SHANK2: variants seen among roughly 807,000 people sequenced by gnomAD.
The protein encoded by SHANK2 is SH3 and multiple ankyrin repeat domains protein 2.
SHANK2 carries 43 observed loss-of-function variants against 133.7 expected under a neutral mutation model. The observed-to-expected ratio is 0.32, with a 90% CI of 0.25 to 0.41. The LOEUF (loss-of-function observed/expected upper bound fraction) is 0.41, where lower values mean the gene tolerates loss of function less well. Among genes scored for constraint, SHANK2 ranks in the 10% least tolerant of loss-of-function variants. The pLI is 1.00. For synonymous variants in SHANK2, 1,017 were observed against 952.8 expected, an observed-to-expected ratio of 1.07 and a Z score of -1.24; for missense variants, 1,994 against 2,235.8, an observed-to-expected ratio of 0.89 and a Z score of 2.18.
chr11:71,084,439 C>T lies in SHANK2; in HGVS notation c.912+7983G>A, dbSNP rs1447579389. ...GCCTGAGACAATGATGGGAAAGCAGCGGCCTGGGGAACCCTGGAGTACACC... is the reference window on the plus strand; with the variant it reads ...GCCTGAGACAATGATGGGAAAGCAGTGGCCTGGGGAACCCTGGAGTACACC... On this transcript the variant is annotated intron_variant, in intron 8 of 25. Coordinates refer to ENST00000601538, the MANE Select transcript of SHANK2 (RefSeq NM_012309.5). Among the ~76,000 whole-genome samples, 7 of 152,156 alleles carry T rather than the reference C, an allele frequency of 4.6e-5. No homozygotes were observed. The South Asian group carries it at 8.3e-4, about 18-fold the overall frequency.
intron 11 of SHANK2, among the ~76,000 whole-genome samples, chr11:70,859,436 G>A (rs781786466): frequency 4.6e-5 from 7 of 152,018 alleles, no homozygotes; most frequent in South Asian, 2.1e-4. Context: ...ATGGATAAGC[G>A]TGTGGGTGGA....
intron 5 of SHANK2, among the ~76,000 whole-genome samples, chr11:71,112,855 C>T (rs1416095605): frequency 4.6e-5 from 7 of 152,188 alleles, no homozygotes; most frequent in East Asian, 1.9e-4. Context: ...CTCTGTGCAA[C>T]GCCCCTGCTG....
intron 14 of SHANK2, among the ~76,000 whole-genome samples, chr11:70,702,641 C>G (rs1555024049): frequency 6.6e-6 from 1 of 152,234 alleles, no homozygotes; most frequent in Admixed American, 6.5e-5. Flanking sequence ...ATCACTGCAG[C>G]AGAAGACACA....
chr11:70,656,771 C>A (rs189186147), intron 17 of SHANK2, among the ~76,000 whole-genome samples: 1 of 152,176 alleles, frequency 6.6e-6, no homozygotes. Flanking sequence ...ATGAGACTCC[C>A]GATCTGGAGA....
intron 17 of SHANK2, among the ~76,000 whole-genome samples, chr11:70,555,695 C>T (rs1339833954): frequency 2.0e-5 from 3 of 152,180 alleles, no homozygotes; most frequent in African/African-American, 7.2e-5. Flanking sequence ...CACTGCATTC[C>T]AGCCTGGGTG....
intron 14 of SHANK2, among the ~76,000 whole-genome samples, 198 bp downstream of exon 14, chr11:70,798,245 G>A (rs1213464210): frequency 6.6e-6 from 1 of 152,166 alleles, no homozygotes; most frequent in Admixed American, 6.5e-5. Flanking sequence ...ACACCATCTT[G>A]TAAGGAATTT....
At chr11:71,187,621 A>G (rs1049860898) in intron 2 of SHANK2, among the ~76,000 whole-genome samples, 10 of 151,776 alleles carry the variant, frequency 6.6e-5, no homozygotes, top group African/African-American at 1.9e-4. Context: ...TTGCCCAGGA[A>G]CCGTTCTTCA....
intron 5 of SHANK2, among the ~76,000 whole-genome samples, chr11:71,112,672 C>T (rs1321069964): frequency 7.9e-5 from 12 of 152,166 alleles, no homozygotes; most frequent in Non-Finnish European, 1.6e-4. Context: ...CAGATTCCTC[C>T]TCCTGTTGGT....
rs368507819 is a variant in SHANK2 at position 70,924,653 on chromosome 11, C to T, written c.1108-28086G>A. The stretch of plus-strand genomic sequence containing the variant: ...TGTATTTTTAGTAGAGACAGCGTTT[C>T]GCCATGTTGGCCAGGCTGGTCTCAA... On this transcript the variant is annotated intron_variant, in intron 10 of 25. Transcript: ENST00000601538. Among the ~76,000 whole-genome samples the T allele has an allele frequency of 3.5e-4, 54 of 152,158 alleles. 1 individual carries two copies. In the East Asian group the frequency reaches 5.2e-3, roughly 15 times the overall value.
At chr11:70,488,435 G>T (rs1025418812) in intron 24 of SHANK2, among the ~76,000 whole-genome samples, 4 of 152,186 alleles carry the variant, frequency 2.6e-5, no homozygotes, top group South Asian at 2.1e-4. Flanking sequence ...TTCTTCCAGG[G>T]TCATGTGAAT....
intron 2 of SHANK2, among the ~76,000 whole-genome samples, chr11:71,216,018 G>C (rs532140493): frequency 7.1e-6 from 1 of 141,272 alleles, no homozygotes; most frequent in Non-Finnish European, 1.5e-5. Flanking sequence ...CTCATCCGAC[G>C]CTGGAGAGGA....
intron 17 of SHANK2, among the ~76,000 whole-genome samples, chr11:70,627,261 C>G (rs768348819): frequency 6.6e-6 from 1 of 152,174 alleles, no homozygotes; most frequent in Non-Finnish European, 1.5e-5. Context: ...GCTGCAGGGA[C>G]GTGTGTCACT....
chr11:71,092,551 G>A lies in SHANK2; in HGVS notation c.783C>T (p.Asp261=). 1.3e-6 allele frequency: 2 copies of A among 1,551,982 alleles called. No individual in the cohort carries two copies. Among genetic ancestry groups the A allele is most frequent in the Non-Finnish European group, 1.7e-6 (2 of 1,147,072 alleles). Residue 261 remains aspartate (D), a synonymous_variant, in exon 8 of 26, where the codon GAC becomes GAT. Transcript: ENST00000601538. ...LELGASPDYK[D]SYGLTPLYHT... ...GATACAGCGGGGTGAGGCCGTAACT[G>A]TCTTTATAATCTGGGGATGCACCAA...
intron 2 of SHANK2, among the ~76,000 whole-genome samples, chr11:71,158,656 C>G (rs1164268640): frequency 1.3e-5 from 2 of 152,168 alleles, no homozygotes; most frequent in Admixed American, 6.5e-5. Flanking sequence ...CCACATAAAA[C>G]CAAGATAACT....
intron 14 of SHANK2, among the ~76,000 whole-genome samples, chr11:70,741,259 C>T (rs1946519591): frequency 6.6e-6 from 1 of 151,678 alleles, no homozygotes; most frequent in Non-Finnish European, 1.5e-5. Flanking sequence ...ATCCATCCAT[C>T]CATCCATCCA....
Position 70,853,201 on chromosome 11 carries a change from C to T in SHANK2, c.1175-32519G>A, listed in dbSNP as rs555881457. On this transcript the variant is annotated intron_variant, in intron 11 of 25. Transcript: ENST00000601538. ...GGGAAATGAAACATGAGCAACACTC[C>T]GTGAGCTCTGGAAACAGAGCCAGAC... is the stretch of plus-strand genomic sequence containing the variant. Among the ~76,000 whole-genome samples, 7 of 152,346 alleles carry T rather than the reference C, an allele frequency of 4.6e-5. No individual in the cohort carries two copies. In the South Asian group the frequency reaches 6.2e-4, roughly 14 times the overall value.
chr11:70,479,101 A>G lies in SHANK2; in HGVS notation c.4980-5662T>C, dbSNP rs1445674453. On this transcript the variant is annotated intron_variant, in intron 25 of 25. Coordinates refer to ENST00000601538, the MANE Select transcript of SHANK2 (RefSeq NM_012309.5). This position sits in a 1 kb window ranked among gnomAD's most constrained non-coding sequence, Gnocchi z 4.4. The stretch of plus-strand genomic sequence containing the variant: ...CCATTCATCCTTGCCCAACGCCCGC[A>G]AGTACCAGCCCCGATGGACGCACAT... Among the ~76,000 whole-genome samples the G allele has an allele frequency of 6.6e-6, 1 of 152,212 alleles. No individual in the cohort carries two copies. Among genetic ancestry groups the G allele is most frequent in the East Asian group, 1.9e-4 (1 of 5,196 alleles).
chr11:70,819,443 G>A (rs534726400), intron 12 of SHANK2, among the ~76,000 whole-genome samples: 21 of 152,312 alleles, frequency 1.4e-4, no homozygotes, highest in East Asian at 1.9e-4. Flanking sequence ...CTGGGGCCCC[G>A]ACAATGAGCT....
At chr11:70,893,371 C>A (rs1392946191) in intron 11 of SHANK2, among the ~76,000 whole-genome samples, 2 of 152,228 alleles carry the variant, frequency 1.3e-5, no homozygotes, top group African/African-American at 4.8e-5. Flanking sequence ...AGGGGCGATG[C>A]AAAGTGGGGG....
Sources: gnomAD v4.1 joint callset for allele counts (sites outside exome capture counted in the v4.1 genomes callset) on GRCh38, gnomAD v4.1.1 for gene constraint, Gnocchi (gnomAD v3.1) non-coding constraint, MANE v1.5 for transcripts, NCBI Gene and HGNC (gene_info 2026-07-23, HGNC 2026-07-21) for gene names.